Variants in SNTB1 observed in about 807,000 individuals in gnomAD.
The protein encoded by SNTB1 is syntrophin beta 1.
A neutral mutation model predicts 48.9 loss-of-function variants in SNTB1; 36 were observed. The observed-to-expected ratio is 0.74, with a 90% CI of 0.56 to 0.97. The LOEUF (loss-of-function observed/expected upper bound fraction) is 0.97. SNTB1 is among the 50% of genes least tolerant of loss of function. The probability of loss-of-function intolerance (pLI) is 0.00; values close to 1 mark genes in which losing one functional copy is unlikely to be tolerated. For missense variants in SNTB1, 786 were observed against 703.4 expected, an observed-to-expected ratio of 1.12 and a Z score of -1.33; for synonymous variants, 299 against 294.6, an observed-to-expected ratio of 1.01 and a Z score of -0.15.
At chr8:120,696,310 A>T (rs528253008) in intron 1 of SNTB1, among the ~76,000 whole-genome samples, 2 of 152,206 alleles carry the variant, frequency 1.3e-5, no homozygotes, top group Admixed American at 6.5e-5. Flanking sequence ...AGTAGCTAGG[A>T]CTTTAAAAAG....
chr8:120,688,443 G>A (rs1405035626), intron 2 of SNTB1, among the ~76,000 whole-genome samples: 3 of 152,070 alleles, frequency 2.0e-5, no homozygotes, highest in African/African-American at 4.8e-5. Flanking sequence ...ATTTATGAAC[G>A]AAAATAGTTT....
chr8:120,586,797 T>G (rs1816150489), intron 3 of SNTB1, among the ~76,000 whole-genome samples: 1 of 152,164 alleles, frequency 6.6e-6, no homozygotes, highest in Non-Finnish European at 1.5e-5. Flanking sequence ...AATATGGAAT[T>G]TGCTTTAAAA....
At chr8:120,721,840 G>A (rs1242532430) in intron 1 of SNTB1, among the ~76,000 whole-genome samples, 2 of 151,716 alleles carry the variant, frequency 1.3e-5, no homozygotes, top group African/African-American at 4.8e-5. Flanking sequence ...TGCACCCATC[G>A]ACCCGTCATT....
At chr8:120,690,345 C>A (rs1818104162) in intron 2 of SNTB1, among the ~76,000 whole-genome samples, 1 of 152,086 alleles carries the variant, frequency 6.6e-6, no homozygotes, top group African/African-American at 2.4e-5. Flanking sequence ...TATCTGTGTC[C>A]TCTACTTGCC....
intron 2 of SNTB1, among the ~76,000 whole-genome samples, chr8:120,641,129 G>T (rs1171564040): frequency 6.6e-6 from 1 of 151,892 alleles, no homozygotes. Flanking sequence ...ATGACTTTTA[G>T]GTTCTTTTCA....
intron 1 of SNTB1, among the ~76,000 whole-genome samples, chr8:120,713,010 G>C (rs774686858): frequency 5.9e-5 from 9 of 152,126 alleles, no homozygotes; most frequent in Non-Finnish European, 1.3e-4. Context: ...TTCCCAGGAA[G>C]AAAAGCATCT....
At chr8:120,640,882 A>T (rs190688825) in intron 2 of SNTB1, among the ~76,000 whole-genome samples, 1 of 152,110 alleles carries the variant, frequency 6.6e-6, no homozygotes, top group South Asian at 2.1e-4. Context: ...GGATGATGCT[A>T]GCCTCATAAA....
chr8:120,545,442 C>T (rs567679860), intron 5 of SNTB1, among the ~76,000 whole-genome samples: 1 of 152,228 alleles, frequency 6.6e-6, no homozygotes, highest in African/African-American at 2.4e-5. Context: ...TCAGAACCAC[C>T]TGGAATCTTG....
At chr8:120,769,584 T>G (rs1164467511) in intron 1 of SNTB1, 1 of 152,316 alleles carries the variant, frequency 6.6e-6, no homozygotes, top group Non-Finnish European at 1.5e-5. Flanking sequence ...TCTCACTATC[T>G]GAGATCACCA....
intron 2 of SNTB1, among the ~76,000 whole-genome samples, chr8:120,661,688 C>T (rs547967774): frequency 1.3e-5 from 2 of 152,270 alleles, no homozygotes; most frequent in African/African-American, 4.8e-5. Flanking sequence ...TGATGTCCCC[C>T]TCCCTGTGTC....
intron 2 of SNTB1, among the ~76,000 whole-genome samples, chr8:120,650,400 C>T (rs1392206239): frequency 1.3e-5 from 2 of 151,998 alleles, no homozygotes; most frequent in Non-Finnish European, 1.5e-5. Context: ...GGAAAAAGTG[C>T]CAAATTATTT....
chr8:120,630,865 T>C (rs533666334), intron 3 of SNTB1, among the ~76,000 whole-genome samples: 10 of 152,292 alleles, frequency 6.6e-5, no homozygotes, highest in African/African-American at 2.2e-4. Flanking sequence ...CTTTCTTCAC[T>C]GAGACAACCA....
At chr8:120,691,661 A>G (rs1055648037) in intron 2 of SNTB1, among the ~76,000 whole-genome samples, 34 of 152,318 alleles carry the variant, frequency 2.2e-4, no homozygotes, top group African/African-American at 7.5e-4. Flanking sequence ...TTTTCTAGAA[A>G]AGCAGAAACT....
At chr8:120,728,542 C>G (rs1484796214) in intron 1 of SNTB1, among the ~76,000 whole-genome samples, 1 of 152,092 alleles carries the variant, frequency 6.6e-6, no homozygotes. Context: ...TCTTTATGTC[C>G]AAAATCACCC....
At chr8:120,607,581 A>T (rs908743106) in intron 3 of SNTB1, among the ~76,000 whole-genome samples, 1 of 152,208 alleles carries the variant, frequency 6.6e-6, no homozygotes, top group African/African-American at 2.4e-5. Context: ...GCAATGAAAG[A>T]CTTGTTATCT....
intron 3 of SNTB1, among the ~76,000 whole-genome samples, chr8:120,597,390 AC>A (rs1216813934): frequency 5.3e-5 from 8 of 152,212 alleles, no homozygotes; most frequent in African/African-American, 1.9e-4. Context: ...AACTAGCACA[AC>A]ATCCCCCAGG....
At position 120,807,584 on chromosome 8, in the gene SNTB1, T is replaced by C. The variant is rs540687813; in HGVS notation, c.571+3689A>G. On this transcript the variant is annotated intron_variant, in intron 1 of 6. Transcript: ENST00000517992. ...ACATTTAGTCTCCTTGCTGGCCATG[T>C]GTTTAACCATGGTAGGGCTGGGCCA... Among the ~76,000 whole-genome samples the C allele has an allele frequency of 3.0e-4, 46 of 152,370 alleles. No individual in the cohort carries two copies. The South Asian group carries it at 6.6e-3, about 22-fold the overall frequency.
At chr8:120,582,048 T>A (rs1816057604) in intron 3 of SNTB1, among the ~76,000 whole-genome samples, 1 of 151,872 alleles carries the variant, frequency 6.6e-6, no homozygotes, top group African/African-American at 2.4e-5. Flanking sequence ...AAAACAAAAA[T>A]AAAAAACAAA....
At position 120,755,169 on chromosome 8, in the gene SNTB1, TGTGAGAGAGA is replaced by T. The variant is rs1416633705; in HGVS notation, c.571+56094_571+56103del. On this transcript the variant is annotated intron_variant, in intron 1 of 6. Coordinates refer to ENST00000517992, the MANE Select transcript of SNTB1 (RefSeq NM_021021.4). ...GTGTGTGTGTGTGTGTGTGTGTGTG[TGTGAGAGAGA>T]GAGAGAGAGCGAGAGAGAGAGAAGA... 1.1e-4 allele frequency among the ~76,000 whole-genome samples: 13 copies of T among 119,866 alleles called. No homozygotes were observed. The East Asian group carries it at 2.9e-3, about 27-fold the overall frequency. The allele number at this position is 119,866 out of a possible 152,430, so 78.6% of individuals were successfully genotyped here. A position where few individuals can be genotyped will look rare whatever the true frequency, so the allele number is the denominator to read the frequency against.
Sources: gnomAD v4.1 joint callset for allele counts (sites outside exome capture counted in the v4.1 genomes callset) on GRCh38, gnomAD v4.1.1 for gene constraint, MANE v1.5 for transcripts, NCBI Gene and HGNC (gene_info 2026-07-23, HGNC 2026-07-21) for gene names.